Variants in CACNA2D1 observed in about 807,000 individuals in gnomAD.
The protein encoded by CACNA2D1 is voltage-dependent calcium channel subunit alpha-2/delta-1.
CACNA2D1 carries 53 observed loss-of-function variants against 171.5 expected under a neutral mutation model. That is an observed-to-expected ratio of 0.31 (90% CI 0.25 to 0.39). The LOEUF is 0.39. CACNA2D1 is among the 10% of genes least tolerant of loss of function. CACNA2D1 has a pLI of 1.00. For synonymous variants in CACNA2D1, 442 were observed against 443.1 expected (o/e 1.00, Z 0.03); for missense variants, 903 against 1,299.8 (o/e 0.69, Z 4.69).
At chr7:82,029,405 C>G (rs1245480964) in intron 12 of CACNA2D1, 1 of 151,686 alleles carries the variant, frequency 6.6e-6, no homozygotes, top group East Asian at 1.9e-4. Flanking sequence ...GCAATTTTCA[C>G]TCTATTGTGG....
intron 1 of CACNA2D1, among the ~76,000 whole-genome samples, chr7:82,380,226 A>C (rs17266109): frequency 0.028 from 4,194 of 152,330 alleles, 60 homozygotes; most frequent in Non-Finnish European, 0.042. Flanking sequence ...TTAAAGTAGG[A>C]AAATTAGTTT....
chr7:82,384,509 A>C (rs1250857382), intron 1 of CACNA2D1, among the ~76,000 whole-genome samples: 1 of 152,156 alleles, frequency 6.6e-6, no homozygotes, highest in Non-Finnish European at 1.5e-5. Context: ...TCTTTCATTT[A>C]AGCCACCCAG....
chr7:82,057,240 CA>C (rs1047574853), intron 10 of CACNA2D1, among the ~76,000 whole-genome samples: 7 of 152,104 alleles, frequency 4.6e-5, no homozygotes, highest in African/African-American at 1.7e-4. Flanking sequence ...TGAAAATTGG[CA>C]AATGCTACAC....
At chr7:82,070,582 T>C (rs370142069) in intron 7 of CACNA2D1, among the ~76,000 whole-genome samples, 6 of 152,216 alleles carry the variant, frequency 3.9e-5, no homozygotes, top group Admixed American at 1.3e-4. Flanking sequence ...TTGCAGCTGC[T>C]AGATGGAGGG....
At chr7:81,974,202 G>A (rs1245902242) in intron 25 of CACNA2D1, among the ~76,000 whole-genome samples, 6 of 151,902 alleles carry the variant, frequency 3.9e-5, no homozygotes, top group African/African-American at 9.7e-5. Context: ...TAACATGAGC[G>A]TGCCATATTT....
intron 18 of CACNA2D1, among the ~76,000 whole-genome samples, chr7:82,000,683 T>G (rs1798496162): frequency 6.6e-6 from 1 of 150,660 alleles, no homozygotes; most frequent in East Asian, 2.0e-4. Context: ...CTGCAACCTC[T>G]GCCTACTGGG....
chr7:82,402,576 TGGC>T (rs199709429), intron 1 of CACNA2D1, among the ~76,000 whole-genome samples: 2,317 of 151,884 alleles, frequency 0.015, 30 homozygotes, highest in Middle Eastern at 0.037. Flanking sequence ...CCAGACGTGA[TGGC>T]GGGTGCCTGT....
intron 21 of CACNA2D1, among the ~76,000 whole-genome samples, chr7:81,989,593 G>A (rs575912651): frequency 6.6e-6 from 1 of 152,266 alleles, no homozygotes; most frequent in South Asian, 2.1e-4. Flanking sequence ...ACAGGATTAT[G>A]GATACTGCCA....
intron 1 of CACNA2D1, among the ~76,000 whole-genome samples, chr7:82,422,805 G>A (rs1033176277): frequency 1.5e-4 from 23 of 151,806 alleles, no homozygotes; most frequent in Non-Finnish European, 5.9e-5. Flanking sequence ...AAAATCCTAC[G>A]TGCAACACAG....
At position 82,389,132 on chromosome 7, in the gene CACNA2D1, G is replaced by GTATATA. The variant is rs1158111347; in HGVS notation, c.96-39489_96-39484dup. 1.5e-5 allele frequency among the ~76,000 whole-genome samples: 2 copies of GTATATA among 137,772 alleles called. 1 individual carries two copies. Among genetic ancestry groups the GTATATA allele is most frequent in the South Asian group, 4.5e-4 (2 of 4,416 alleles). 90.4% of individuals were successfully genotyped at this position (137,772 alleles called of 152,430 possible). On this transcript the variant is annotated intron_variant, in intron 1 of 38. Transcript: ENST00000356860. The stretch of plus-strand genomic sequence containing the variant: ...CTCCATCTCAAAATAATAATAATTA[G>GTATATA]TATATATATATATATTTATATATAT...
chr7:82,150,894 C>T (rs1793788549), intron 4 of CACNA2D1, among the ~76,000 whole-genome samples: 1 of 152,028 alleles, frequency 6.6e-6, no homozygotes, highest in Non-Finnish European at 1.5e-5. Flanking sequence ...TAAAGAAGCA[C>T]ATTTGAATAA....
chr7:82,288,395 A>G (rs966588966), intron 3 of CACNA2D1, among the ~76,000 whole-genome samples: 2 of 149,524 alleles, frequency 1.3e-5, no homozygotes, highest in African/African-American at 5.0e-5. Context: ...GAGCACTCAC[A>G]TTAAAAGATG....
At chr7:82,367,149 A>C (rs150072004) in intron 1 of CACNA2D1, among the ~76,000 whole-genome samples, 1 of 151,668 alleles carries the variant, frequency 6.6e-6, no homozygotes, top group East Asian at 1.9e-4. Context: ...GGCTCAAGCA[A>C]TCTTTCCACC....
chr7:81,954,587 A>G (rs2130028703), intron 38 of CACNA2D1, among the ~76,000 whole-genome samples: 1 of 152,196 alleles, frequency 6.6e-6, no homozygotes, highest in East Asian at 1.9e-4. Flanking sequence ...GGGACAACTA[A>G]TTGCATACAG....
chr7:82,106,288 T>A (rs777212336), intron 6 of CACNA2D1, among the ~76,000 whole-genome samples: 12 of 151,936 alleles, frequency 7.9e-5, no homozygotes, highest in Non-Finnish European at 1.2e-4. Flanking sequence ...AGACCCCCAT[T>A]TTTTTTTCCA....
chr7:82,096,142 A>G (rs532293696), intron 6 of CACNA2D1, among the ~76,000 whole-genome samples: 8 of 152,316 alleles, frequency 5.3e-5, no homozygotes, highest in African/African-American at 1.7e-4. Context: ...GAATAGGCAC[A>G]CTTTTTCTTA....
At chr7:82,201,789 G>T (rs1275890970) in intron 3 of CACNA2D1, among the ~76,000 whole-genome samples, 2 of 152,216 alleles carry the variant, frequency 1.3e-5, no homozygotes, top group Admixed American at 6.5e-5. Flanking sequence ...TGATTTTGTA[G>T]TGCAGTTCAT....
At chr7:82,273,642 C>A (rs1428976033) in intron 3 of CACNA2D1, among the ~76,000 whole-genome samples, 1 of 152,062 alleles carries the variant, frequency 6.6e-6, no homozygotes, top group Non-Finnish European at 1.5e-5. Flanking sequence ...AGCACCCTAC[C>A]ATGCCTGGAT....
intron 1 of CACNA2D1, among the ~76,000 whole-genome samples, chr7:82,375,215 C>T (rs1043229884): frequency 2.0e-5 from 3 of 152,166 alleles, no homozygotes; most frequent in Non-Finnish European, 4.4e-5. Context: ...CGCATGCACA[C>T]ACACTGAAAC....
Sources: gnomAD v4.1 joint callset for allele counts (sites outside exome capture counted in the v4.1 genomes callset) on GRCh38, gnomAD v4.1.1 for gene constraint, MANE v1.5 for transcripts, NCBI Gene and HGNC (gene_info 2026-07-23, HGNC 2026-07-21) for gene names.